The following TRIM33 variants were observed in gnomAD, a reference collection of about 807,000 sequenced individuals.
TRIM33 encodes E3 ubiquitin-protein ligase TRIM33.
In TRIM33, 20 loss-of-function variants were observed where a neutral mutation model predicts 125.4. That is an observed-to-expected ratio of 0.16 (90% CI 0.11 to 0.23). TRIM33 has a LOEUF of 0.23. TRIM33 is among the 10% of genes least tolerant of loss of function. The pLI, the probability that TRIM33 is intolerant of heterozygous loss-of-function variation, is 1.00. For synonymous variants in TRIM33, 564 were observed against 513.9 expected (o/e 1.10, Z -1.32); for missense variants, 920 against 1,411.4 (o/e 0.65, Z 5.58).
chr1:114,435,677 C>G, intron 4 of TRIM33, among the ~76,000 whole-genome samples: 1 of 152,044 alleles, frequency 6.6e-6, no homozygotes, highest in Non-Finnish European at 1.5e-5. Flanking sequence ...TTATAGAAAA[C>G]TGCTGGTGCA....
In TRIM33 at chr1:114,510,764, G is replaced by A. The variant is rs1484339433; in HGVS notation, c.313C>T (p.Pro105Ser). 1 of 1,523,138 alleles carries A rather than the reference G, an allele frequency of 6.6e-7. No individual in the cohort carries two copies. 94.4% of individuals were successfully genotyped at this position (1,523,138 alleles called of 1,614,324 possible). A position where few individuals can be genotyped will look rare whatever the true frequency, so the allele number is the denominator to read the frequency against. Residue 105 changes from proline (P) to serine (S), a missense_variant, in exon 1 of 20, where the codon CCC (proline) becomes TCC (serine). Coordinates refer to ENST00000358465, the MANE Select transcript of TRIM33 (RefSeq NM_015906.4). ...STPAPAPASA[P>S]APGPSAGPPP... ...GGCCCTGCCGAGGGACCCGGAGCGG[G>A]AGCCGAGGCTGGAGCTGGAGCCGGC... is the stretch of plus-strand genomic sequence containing the variant.
intron 8 of TRIM33, among the ~76,000 whole-genome samples, chr1:114,426,763 T>C (rs1263190420): frequency 6.6e-6 from 1 of 152,190 alleles, no homozygotes; most frequent in Non-Finnish European, 1.5e-5. Flanking sequence ...CTTTCAAACA[T>C]TCCTCAGGAC....
chr1:114,422,310 T>C (rs1351679412), intron 10 of TRIM33, among the ~76,000 whole-genome samples: 2 of 152,130 alleles, frequency 1.3e-5, no homozygotes, highest in East Asian at 1.9e-4. Context: ...ATACCCAAAG[T>C]CTAAGGAAAA....
At chr1:114,417,680 T>TA (rs112932606) in intron 11 of TRIM33, among the ~76,000 whole-genome samples, 4 of 152,262 alleles carry the variant, frequency 2.6e-5, no homozygotes, top group African/African-American at 7.2e-5. Flanking sequence ...TTTCTTGAGA[T>TA]AGAGTTTCAC....
At chr1:114,500,631 G>T (rs568067828) in intron 1 of TRIM33, among the ~76,000 whole-genome samples, 1 of 150,142 alleles carries the variant, frequency 6.7e-6, no homozygotes, top group African/African-American at 2.4e-5. Flanking sequence ...AGGAGCAAAA[G>T]GTCAAGATCA....
chr1:114,425,748 T>C (rs375530623), intron 8 of TRIM33, 25 bp from the exon 9 acceptor site: 4 of 1,527,248 alleles, frequency 2.6e-6, no homozygotes, highest in African/African-American at 1.4e-5. Flanking sequence ...AAATGAGAAT[T>C]TGCATATAAT....
chr1:114,420,215 CCTCA>C (rs1193465676), intron 11 of TRIM33, among the ~76,000 whole-genome samples: 1 of 152,194 alleles, frequency 6.6e-6, no homozygotes, highest in Non-Finnish European at 1.5e-5. Flanking sequence ...GGGCAAAAGG[CCTCA>C]CTCAAAGGTC....
chr1:114,476,146 T>C (rs972090191), intron 1 of TRIM33, among the ~76,000 whole-genome samples: 1 of 151,964 alleles, frequency 6.6e-6, no homozygotes, highest in Non-Finnish European at 1.5e-5. Flanking sequence ...TAGAATAGAA[T>C]ATATACATTT....
At chr1:114,417,309 T>C (rs950431100) in intron 11 of TRIM33, among the ~76,000 whole-genome samples, 1 of 152,200 alleles carries the variant, frequency 6.6e-6, no homozygotes, top group Non-Finnish European at 1.5e-5. Flanking sequence ...TAAAAGCCAC[T>C]GAACTGTACA....
intron 4 of TRIM33, among the ~76,000 whole-genome samples, chr1:114,446,613 A>C (rs1412923953): frequency 2.0e-5 from 3 of 152,212 alleles, no homozygotes; most frequent in Non-Finnish European, 4.4e-5. Context: ...AACACCAAAA[A>C]CTATTTATAA....
chr1:114,491,009 GT>G (rs1476502916), intron 1 of TRIM33, among the ~76,000 whole-genome samples: 3 of 152,102 alleles, frequency 2.0e-5, no homozygotes, highest in African/African-American at 7.2e-5. Context: ...GGGGGGAATG[GT>G]TTGGGGGTAA....
At chr1:114,429,844 A>G (rs1001344150) in intron 6 of TRIM33, among the ~76,000 whole-genome samples, 4 of 152,146 alleles carry the variant, frequency 2.6e-5, no homozygotes, top group African/African-American at 9.7e-5. Flanking sequence ...TCTTTCTGAA[A>G]CTTCAATTTC....
At chr1:114,483,918 C>T (rs980598066) in intron 1 of TRIM33, among the ~76,000 whole-genome samples, 3 of 152,024 alleles carry the variant, frequency 2.0e-5, no homozygotes, top group African/African-American at 4.8e-5. Flanking sequence ...GAGATGAAAA[C>T]GATGCCCAAA....
chr1:114,490,135 A>AG (rs1433363822), intron 1 of TRIM33, among the ~76,000 whole-genome samples: 2 of 151,018 alleles, frequency 1.3e-5, no homozygotes, highest in Non-Finnish European at 3.0e-5. Flanking sequence ...AAGAAAGACA[A>AG]GAAAAAAAAA....
intron 17 of TRIM33, among the ~76,000 whole-genome samples, chr1:114,400,241 G>C (rs367846819): frequency 2.6e-5 from 4 of 152,252 alleles, no homozygotes; most frequent in Non-Finnish European, 4.4e-5. Context: ...TTGCTCTGTC[G>C]CCCAGGCTGG....
At chr1:114,490,023 G>A (rs1164931695) in intron 1 of TRIM33, among the ~76,000 whole-genome samples, 1 of 143,784 alleles carries the variant, frequency 7.0e-6, no homozygotes, top group African/African-American at 2.6e-5. Flanking sequence ...GGCCGAGGCA[G>A]GAAGATTGTT....
intron 4 of TRIM33, among the ~76,000 whole-genome samples, chr1:114,448,849 T>C (rs566885590): frequency 3.9e-5 from 6 of 151,990 alleles, no homozygotes; most frequent in South Asian, 4.2e-4. Flanking sequence ...TTGAATAGAA[T>C]TATTACAAAT....
intron 15 of TRIM33, chr1:114,404,952 ATGG>A (rs1652140876): frequency 1.3e-5 from 2 of 152,470 alleles, no homozygotes; most frequent in Non-Finnish European, 2.9e-5. Context: ...CTACTATTTT[ATGG>A]TCTCTGAAAT....
intron 4 of TRIM33, among the ~76,000 whole-genome samples, chr1:114,436,397 T>C: frequency 1.1e-5 from 1 of 93,436 alleles, no homozygotes; most frequent in African/African-American, 5.0e-5. Flanking sequence ...TGAGACTCTG[T>C]CTCAAAAAAA....
Sources: gnomAD v4.1 joint callset for allele counts (sites outside exome capture counted in the v4.1 genomes callset) on GRCh38, gnomAD v4.1.1 for gene constraint, MANE v1.5 for transcripts, NCBI Gene and HGNC (gene_info 2026-07-23, HGNC 2026-07-21) for gene names.